The following TJP1 variants were observed in gnomAD, a reference collection of about 807,000 sequenced individuals.
The protein encoded by TJP1 is tight junction protein ZO-1.
A neutral mutation model predicts 194.2 loss-of-function variants in TJP1; 43 were observed. The ratio of observed to expected loss-of-function variants is 0.22; its 90% CI spans 0.17 to 0.29. The LOEUF (loss-of-function observed/expected upper bound fraction) is 0.29. Among genes scored for constraint, TJP1 ranks in the 10% least tolerant of loss-of-function variants. The pLI is 1.00. For missense variants in TJP1, 1,971 were observed against 2,185.7 expected, an observed-to-expected ratio of 0.90 and a Z score of 1.96; for synonymous variants, 801 against 779.0, an observed-to-expected ratio of 1.03 and a Z score of -0.47.
intron 2 of TJP1, among the ~76,000 whole-genome samples, chr15:29,949,289 ATCACCTCCACC>A (rs2055434911): frequency 1.0e-5 from 1 of 95,940 alleles, no homozygotes; most frequent in Non-Finnish European, 2.0e-5. Context: ...CTCCACCGCC[ATCACCTCCACC>A]ACCACCACCT....
At chr15:29,748,864 T>C (rs1317947120) in intron 8 of TJP1, among the ~76,000 whole-genome samples, 1 of 152,108 alleles carries the variant, frequency 6.6e-6, no homozygotes, top group Non-Finnish European at 1.5e-5. Flanking sequence ...CAAGCCACCA[T>C]GCCCAGCCCT....
intron 8 of TJP1, among the ~76,000 whole-genome samples, chr15:29,746,984 C>T (rs1161513015): frequency 5.3e-5 from 8 of 151,490 alleles, no homozygotes; most frequent in East Asian, 1.9e-4. Context: ...AAAGATTGGC[C>T]GGTTAAATAT....
In TJP1 at chr15:29,702,984, G is replaced by T. The variant is rs189502216; in HGVS notation, c.5212+1178C>A. On this transcript the variant is annotated intron_variant, in intron 27 of 27. Transcript: ENST00000614355. ...TAACTGACTTAAGTCACTCAAGGAA[G>T]TGAGAAATGTGAAAATGCAGTGGAA... 5.3e-5 allele frequency among the ~76,000 whole-genome samples: 8 copies of T among 152,304 alleles called. No individual in the cohort carries two copies. The East Asian group carries it at 1.5e-3, about 29-fold the overall frequency.
At chr15:29,956,674 G>C (rs1258371959) in intron 1 of TJP1, among the ~76,000 whole-genome samples, 1 of 152,110 alleles carries the variant, frequency 6.6e-6, no homozygotes, top group Non-Finnish European at 1.5e-5. Flanking sequence ...GAGCCCAGGG[G>C]TTCGAGCCCA....
At chr15:29,887,977 C>A (rs954079725) in intron 2 of TJP1, among the ~76,000 whole-genome samples, 3 of 152,014 alleles carry the variant, frequency 2.0e-5, no homozygotes, top group Non-Finnish European at 4.4e-5. Flanking sequence ...AAACAATCCA[C>A]ATATAATAAA....
chr15:29,725,513 A>G (rs45526331), intron 18 of TJP1, among the ~76,000 whole-genome samples: 6,834 of 152,140 alleles, frequency 0.045, 174 homozygotes, highest in South Asian at 0.078. Context: ...AAAACCAGAG[A>G]TACTCTCAAT....
chr15:29,877,274 T>C (rs954926853), intron 2 of TJP1, among the ~76,000 whole-genome samples: 1 of 152,260 alleles, frequency 6.6e-6, no homozygotes, highest in African/African-American at 2.4e-5. Context: ...TGGAGTGCAG[T>C]GGCGTGATCA....
At chr15:29,892,958 G>A (rs1198646526) in intron 2 of TJP1, among the ~76,000 whole-genome samples, 2 of 152,188 alleles carry the variant, frequency 1.3e-5, no homozygotes, top group Non-Finnish European at 2.9e-5. Context: ...GGCTATAGCT[G>A]CCATACATAG....
At chr15:29,703,754 T>C (rs769241666) in intron 27 of TJP1, among the ~76,000 whole-genome samples, 70 of 152,160 alleles carry the variant, frequency 4.6e-4, no homozygotes, top group Non-Finnish European at 5.4e-4. Context: ...GCAATTCTCC[T>C]GCCTCAGCCT....
intron 2 of TJP1, among the ~76,000 whole-genome samples, chr15:29,886,349 T>C (rs1407259516): frequency 6.6e-6 from 1 of 152,068 alleles, no homozygotes; most frequent in East Asian, 1.9e-4. Flanking sequence ...TTAAAAGATA[T>C]GAGGCAGAAA....
At chr15:29,967,803 A>G (rs557299823) in intron 1 of TJP1, among the ~76,000 whole-genome samples, 3 of 152,206 alleles carry the variant, frequency 2.0e-5, no homozygotes, top group African/African-American at 7.2e-5. Flanking sequence ...ACTGTGCTCA[A>G]TTGAATTGAA....
At chr15:29,719,711 G>C in intron 20 of TJP1, 66 bp downstream of exon 20, 5 of 1,563,330 alleles carry the variant, frequency 3.2e-6, no homozygotes, top group Non-Finnish European at 4.3e-6. Context: ...AAAGGGCAAA[G>C]CAAAAATGAT....
At chr15:29,784,236 A>G (rs2047556791) in intron 2 of TJP1, among the ~76,000 whole-genome samples, 1 of 152,196 alleles carries the variant, frequency 6.6e-6, no homozygotes, top group African/African-American at 2.4e-5. Context: ...TCAACTCAGG[A>G]GGACTAATAC....
At chr15:29,705,487 C>G in intron 26 of TJP1, 41 bp downstream of exon 26, 2 of 1,600,226 alleles carry the variant, frequency 1.2e-6, no homozygotes, top group Non-Finnish European at 8.5e-7. Context: ...CAGGGCAACT[C>G]TTAAGTTATC....
At chr15:29,795,594 A>T (rs2151845602) in intron 2 of TJP1, among the ~76,000 whole-genome samples, 1 of 152,284 alleles carries the variant, frequency 6.6e-6, no homozygotes, top group African/African-American at 2.4e-5. Context: ...TCTAACAAAT[A>T]TTTAAGAAAA....
chr15:29,717,172 A>G (rs901318989), intron 22 of TJP1, among the ~76,000 whole-genome samples: 3 of 152,256 alleles, frequency 2.0e-5, no homozygotes, highest in African/African-American at 7.2e-5. Context: ...TGAGAAGTAC[A>G]TATACCAAGG....
intron 5 of TJP1, among the ~76,000 whole-genome samples, chr15:29,763,634 G>C (rs1381791225): frequency 6.6e-6 from 1 of 152,022 alleles, no homozygotes; most frequent in Non-Finnish European, 1.5e-5. Context: ...GGGCATGGTG[G>C]TGCACACCTA....
At chr15:29,724,648 T>G (rs1225720858) in intron 18 of TJP1, among the ~76,000 whole-genome samples, 1 of 152,170 alleles carries the variant, frequency 6.6e-6, no homozygotes, top group African/African-American at 2.4e-5. Context: ...TTCTAGCAAT[T>G]AGGTCAAAGT....
intron 2 of TJP1, among the ~76,000 whole-genome samples, chr15:29,864,843 G>A (rs2052245635): frequency 6.6e-6 from 1 of 152,108 alleles, no homozygotes; most frequent in Non-Finnish European, 1.5e-5. Flanking sequence ...TCAGTACTGA[G>A]GGTGAACATT....
Sources: allele counts gnomAD v4.1 joint callset (sites outside exome capture counted in the v4.1 genomes callset), GRCh38; gene constraint gnomAD v4.1.1; transcripts MANE v1.5; gene names NCBI Gene and HGNC (gene_info 2026-07-23, HGNC 2026-07-21).